The following G3BP2 variants were observed in gnomAD, a reference collection of about 807,000 sequenced individuals.
G3BP2 encodes G3BP stress granule assembly factor 2.
G3BP2 carries 11 observed loss-of-function variants against 56.7 expected under a neutral mutation model. The ratio of observed to expected loss-of-function variants is 0.19; its 90% CI spans 0.12 to 0.32. G3BP2 has a LOEUF of 0.32. G3BP2 is among the 10% of genes least tolerant of loss of function. G3BP2 has a pLI of 1.00. For synonymous variants in G3BP2, 165 were observed against 191.6 expected (o/e 0.86, Z 1.15); for missense variants, 340 against 610.9 (o/e 0.56, Z 4.67).
At chr4:75,723,571 A>C (rs1165549282) in intron 1 of G3BP2, among the ~76,000 whole-genome samples, 1 of 152,254 alleles carries the variant, frequency 6.6e-6, no homozygotes. Context: ...GGAAAGCCAG[A>C]GTCTAAGATT....
intron 3 of G3BP2, among the ~76,000 whole-genome samples, chr4:75,693,748 C>T (rs1338901410): frequency 6.6e-6 from 1 of 150,832 alleles, no homozygotes; most frequent in African/African-American, 2.4e-5. Context: ...AAGATCGCAC[C>T]ACTGCACTCT....
intron 8 of G3BP2, among the ~76,000 whole-genome samples, chr4:75,653,384 C>T (rs1731848670): frequency 6.6e-6 from 1 of 151,940 alleles, no homozygotes; most frequent in Admixed American, 6.6e-5. Context: ...CTTAGGTAGG[C>T]AGTGTCTTAT....
chr4:75,652,307 C>A (rs1390184448), intron 8 of G3BP2, among the ~76,000 whole-genome samples: 1 of 152,150 alleles, frequency 6.6e-6, no homozygotes, highest in Non-Finnish European at 1.5e-5. Flanking sequence ...GACTCTGCAG[C>A]AAGGTGCTGG....
At chr4:75,671,569 T>C (rs1246967936) in intron 1 of G3BP2, among the ~76,000 whole-genome samples, 1 of 152,240 alleles carries the variant, frequency 6.6e-6, no homozygotes, top group Non-Finnish European at 1.5e-5. Context: ...TCTGGTTCAC[T>C]CTTGATGTTT....
At chr4:75,715,930 A>G (rs1719910400) in intron 3 of G3BP2, among the ~76,000 whole-genome samples, 1 of 152,178 alleles carries the variant, frequency 6.6e-6, no homozygotes, top group Non-Finnish European at 1.5e-5. Flanking sequence ...CTAGAACGAG[A>G]CCTAGATAGC....
intron 3 of G3BP2, among the ~76,000 whole-genome samples, chr4:75,697,586 G>A (rs536991147): frequency 2.3e-4 from 35 of 152,210 alleles, no homozygotes; most frequent in Admixed American, 1.5e-3. Context: ...TGCAATATGC[G>A]TATTTCAATA....
chr4:75,682,993 AAAAG>A (rs1317979666), intron 3 of G3BP2, among the ~76,000 whole-genome samples: 4 of 151,872 alleles, frequency 2.6e-5, no homozygotes, highest in South Asian at 2.1e-4. Context: ...AAAAAAAAAA[AAAAG>A]AAAGAAAGAA....
chr4:75,680,259 C>T (rs950491523), intron 3 of G3BP2, among the ~76,000 whole-genome samples: 6 of 152,150 alleles, frequency 3.9e-5, no homozygotes, highest in South Asian at 2.1e-4. Context: ...GTGTCAGAGA[C>T]AGATTTCCTT....
chr4:75,695,938 C>T (rs1166574563), intron 3 of G3BP2, among the ~76,000 whole-genome samples: 1 of 141,958 alleles, frequency 7.0e-6, no homozygotes, highest in Non-Finnish European at 1.5e-5. Flanking sequence ...CACACCACTT[C>T]ACTCCAGACT....
chr4:75,659,186 A>G lies in G3BP2; in HGVS notation c.96-262T>C, dbSNP rs377063844. Among the ~76,000 whole-genome samples, 13 of 152,340 alleles carry G rather than the reference A, an allele frequency of 8.5e-5. No individual in the cohort carries two copies. In the East Asian group the frequency reaches 1.9e-3, roughly 23 times the overall value. ...GTTTATCTGGCACAGTAAGTAGACA[A>G]TCATTAGATATTCACATCTATTTTT... On this transcript the variant is annotated intron_variant, in intron 2 of 11. Transcript: ENST00000359707.
At chr4:75,694,118 T>G (rs1455619266) in intron 3 of G3BP2, among the ~76,000 whole-genome samples, 1 of 152,086 alleles carries the variant, frequency 6.6e-6, no homozygotes, top group South Asian at 2.1e-4. Flanking sequence ...AGTAAATGAA[T>G]GAATTAAAGT....
At chr4:75,656,195 T>C (rs1732099430) in intron 5 of G3BP2, among the ~76,000 whole-genome samples, 1 of 151,958 alleles carries the variant, frequency 6.6e-6, no homozygotes, top group Admixed American at 6.6e-5. Context: ...TTTCACTGCA[T>C]TGGCCAGGCT....
In G3BP2 at chr4:75,648,830, A is replaced by G. The variant is rs189878448; in HGVS notation, c.826-89T>C. ...ACCTAACGACAAGTCACTAGCAGACATAACAGTAGTTTTAAGTTTAGAATG... is the reference window on the plus strand; with the variant it reads ...ACCTAACGACAAGTCACTAGCAGACGTAACAGTAGTTTTAAGTTTAGAATG... On this transcript the variant is annotated intron_variant, in intron 8 of 11. Transcript: ENST00000359707. 392 of 690,940 alleles carry G rather than the reference A, an allele frequency of 5.7e-4. 1 individual carries two copies. In the African/African-American group the frequency reaches 6.4e-3, roughly 11 times the overall value. 42.8% of individuals were successfully genotyped at this position (690,940 alleles called of 1,614,324 possible).
At chr4:75,654,206 AAAAG>A (rs548927772) in intron 7 of G3BP2, 125 bp from the exon 8 acceptor site, 29 of 555,546 alleles carry the variant, frequency 5.2e-5, no homozygotes, top group Non-Finnish European at 6.6e-5. Flanking sequence ...GAAGACTCCT[AAAAG>A]AAAGGCACAC....
At chr4:75,655,904 A>C in intron 5 of G3BP2, 34 bp from the exon 6 acceptor site, 1 of 1,078,072 alleles carries the variant, frequency 9.3e-7, no homozygotes, top group Non-Finnish European at 1.4e-6. Context: ...TCTTTTTTAA[A>C]GAGGCTTCAC....
chr4:75,662,218 A>G (rs554067831), intron 1 of G3BP2, 169 bp from the exon 2 acceptor site: 18 of 443,062 alleles, frequency 4.1e-5, no homozygotes, highest in African/African-American at 4.0e-4. Context: ...CTAACCTGAA[A>G]TAATTTTTTT....
In G3BP2 at chr4:75,673,063, G is replaced by A. The variant is rs1578415333; in HGVS notation, c.-25+145C>T. On this transcript the variant is annotated intron_variant, in intron 1 of 11. Transcript: ENST00000359707. ...TCTCTCACGCACACACGGCACCGTA[G>A]GGAGCCGGCAAGAACAATGTCTCTG... 4.0e-6 allele frequency: 4 copies of A among 1,007,560 alleles called. No homozygotes were observed. The East Asian group carries it at 2.8e-4, about 70-fold the overall frequency. 62.4% of individuals were successfully genotyped at this position (1,007,560 alleles called of 1,614,324 possible). A position where few individuals can be genotyped will look rare whatever the true frequency, so the allele number is the denominator to read the frequency against.
At chr4:75,709,522 C>T (rs908391093) in intron 3 of G3BP2, among the ~76,000 whole-genome samples, 3 of 148,188 alleles carry the variant, frequency 2.0e-5, no homozygotes, top group Admixed American at 6.7e-5. Context: ...TGAGGTACAA[C>T]GATTGCTGGA....
chr4:75,693,489 T>G (rs189956423), intron 3 of G3BP2, among the ~76,000 whole-genome samples: 3 of 151,874 alleles, frequency 2.0e-5, no homozygotes, highest in Admixed American at 2.0e-4. Context: ...TTTTTGTTTT[T>G]TTTTTTAAGA....
Sources: gnomAD v4.1 joint callset for allele counts (sites outside exome capture counted in the v4.1 genomes callset) on GRCh38, gnomAD v4.1.1 for gene constraint, MANE v1.5 for transcripts, NCBI Gene and HGNC (gene_info 2026-07-23, HGNC 2026-07-21) for gene names.